SEM1: variants seen among roughly 807,000 people sequenced by gnomAD.
The protein encoded by SEM1 is 26S proteasome complex subunit SEM1.
A neutral mutation model predicts 12.7 loss-of-function variants in SEM1; 3 were observed. That is an observed-to-expected ratio of 0.24 (90% confidence interval 0.11 to 0.61). The LOEUF (loss-of-function observed/expected upper bound fraction) is 0.61, where lower values mean the gene tolerates loss of function less well. Among genes scored for constraint, SEM1 ranks in the 20% least tolerant of loss-of-function variants. The pLI, the probability that SEM1 is intolerant of heterozygous loss-of-function variation, is 0.88. For missense variants in SEM1, 59 were observed against 81.3 expected (o/e 0.73, Z 1.06); for synonymous variants, 30 against 27.8 (o/e 1.08, Z -0.25).
intron 2 of SEM1, among the ~76,000 whole-genome samples, chr7:96,611,483 T>A (rs913323634): frequency 6.6e-6 from 1 of 152,078 alleles, no homozygotes; most frequent in Admixed American, 6.5e-5. Flanking sequence ...GTTACATGAG[T>A]GATGAAGACC....
chr7:96,543,813 G>T (rs1805025382), intron 2 of SEM1, among the ~76,000 whole-genome samples: 2 of 151,970 alleles, frequency 1.3e-5, no homozygotes, highest in Admixed American at 1.3e-4. Flanking sequence ...CCACATGCTT[G>T]GTGGTAGCAG....
At chr7:96,606,423 A>G (rs1021050526) in intron 2 of SEM1, among the ~76,000 whole-genome samples, 1 of 152,200 alleles carries the variant, frequency 6.6e-6, no homozygotes, top group Admixed American at 6.5e-5. Flanking sequence ...TACCACAGCA[A>G]GAGTTGCAGA....
At chr7:96,635,309 A>G (rs1808398883) in intron 2 of SEM1, among the ~76,000 whole-genome samples, 1 of 152,090 alleles carries the variant, frequency 6.6e-6, no homozygotes, top group African/African-American at 2.4e-5. Flanking sequence ...AGATTTGAGG[A>G]AGTAACAAGC....
rs143890800 is a variant in SEM1 at position 96,616,361 on chromosome 7, T to C, written c.170+78437A>G. On this transcript the variant is annotated intron_variant and NMD_transcript_variant, in intron 2 of 3. Coordinates refer to the SEM1 transcript ENST00000466986. ...TCCTCTTTTGAAAAATGTCTGTTTA[T>C]TTCCTCTGCCCACTTTACAATGGTT... is the stretch of plus-strand genomic sequence containing the variant. 2.0e-5 allele frequency among the ~76,000 whole-genome samples: 3 copies of C among 152,340 alleles called. No individual in the cohort carries two copies. In the East Asian group the frequency reaches 5.8e-4, roughly 29 times the overall value.
chr7:96,548,488 C>A (rs928675550), intron 2 of SEM1, among the ~76,000 whole-genome samples: 3 of 152,116 alleles, frequency 2.0e-5, no homozygotes, highest in Non-Finnish European at 4.4e-5. Context: ...ACAAAATCCC[C>A]AGGAAATCTA....
intron 2 of SEM1, among the ~76,000 whole-genome samples, chr7:96,570,028 T>C (rs1288628836): frequency 2.6e-5 from 4 of 152,106 alleles, no homozygotes; most frequent in Non-Finnish European, 4.4e-5. Flanking sequence ...TACTTCCTTT[T>C]GGGTATATAC....
intron 2 of SEM1, among the ~76,000 whole-genome samples, chr7:96,564,844 A>G (rs1286677184): frequency 6.6e-6 from 1 of 152,050 alleles, no homozygotes; most frequent in Non-Finnish European, 1.5e-5. Flanking sequence ...GAAAACTTAT[A>G]TGGTAAGTCT....
chr7:96,509,116 A>G (rs1244988592), intron 2 of SEM1, among the ~76,000 whole-genome samples: 1 of 149,162 alleles, frequency 6.7e-6, no homozygotes, highest in Non-Finnish European at 1.5e-5. Flanking sequence ...CCTCCCAAGT[A>G]GCTGGGATTA....
upstream of SEM1, among the ~76,000 whole-genome samples, chr7:96,497,332 A>C (rs1803330521): frequency 6.6e-6 from 1 of 152,156 alleles, no homozygotes; most frequent in African/African-American, 2.4e-5. Context: ...CTTAAGCAGG[A>C]TTTTAAATTA....
At chr7:96,673,726 G>T (rs1296107736) in exon 3 of SEM1, 4 of 764,372 alleles carry the variant, frequency 5.2e-6, no homozygotes, top group Admixed American at 1.7e-5. Context: ...TTACATTTAG[G>T]TGGGGCCATG....
At chr7:96,595,260 C>G (rs543866654) in intron 2 of SEM1, among the ~76,000 whole-genome samples, 1 of 152,064 alleles carries the variant, frequency 6.6e-6, no homozygotes, top group Non-Finnish European at 1.5e-5. Context: ...CACCTGTAAT[C>G]CCAGCACTTT....
chr7:96,604,904 G>C (rs1057052954), intron 2 of SEM1, among the ~76,000 whole-genome samples: 2 of 151,926 alleles, frequency 1.3e-5, no homozygotes, highest in Non-Finnish European at 2.9e-5. Context: ...GGGCGAGACA[G>C]AGCAAGACTC....
At chr7:96,685,848 C>G (rs183467085), downstream of SEM1, among the ~76,000 whole-genome samples, 1 of 151,742 alleles carries the variant, frequency 6.6e-6, no homozygotes, top group Non-Finnish European at 1.5e-5. Context: ...ATCTTCAGCT[C>G]AGCCCTGCAG....
intron 2 of SEM1, among the ~76,000 whole-genome samples, chr7:96,679,417 T>C (rs1789539739): frequency 6.6e-6 from 1 of 152,082 alleles, no homozygotes; most frequent in African/African-American, 2.4e-5. Context: ...TTAAAACATC[T>C]TTGTTAAATC....
chr7:96,566,066 G>C (rs564337614), intron 2 of SEM1, among the ~76,000 whole-genome samples: 11 of 151,794 alleles, frequency 7.2e-5, no homozygotes, highest in African/African-American at 2.7e-4. Context: ...TTTGTTGTGT[G>C]ACATTAATTA....
intron 2 of SEM1, among the ~76,000 whole-genome samples, chr7:96,607,308 G>C (rs1287747411): frequency 6.6e-6 from 1 of 152,168 alleles, no homozygotes; most frequent in Non-Finnish European, 1.5e-5. Context: ...CATGATTTGA[G>C]TTAGTTCTTC....
intron 2 of SEM1, among the ~76,000 whole-genome samples, chr7:96,665,434 TTGA>T (rs1789144709): frequency 6.6e-6 from 1 of 152,178 alleles, no homozygotes; most frequent in African/African-American, 2.4e-5. Flanking sequence ...AACAGCTAAG[TTGA>T]TAACTTAAAA....
intron 2 of SEM1, among the ~76,000 whole-genome samples, chr7:96,541,437 TTTTTTG>T (rs1181781462): frequency 1.5e-5 from 2 of 134,900 alleles, no homozygotes; most frequent in South Asian, 4.7e-4. Context: ...ATGGGTTTTT[TTTTTTG>T]TTTTTTTTTT....
At chr7:96,653,545 G>C (rs968854266) in intron 2 of SEM1, among the ~76,000 whole-genome samples, 1 of 152,206 alleles carries the variant, frequency 6.6e-6, no homozygotes, top group Non-Finnish European at 1.5e-5. Context: ...AATGGGAAGA[G>C]GAATGGCATC....
Sources: allele counts gnomAD v4.1 joint callset (sites outside exome capture counted in the v4.1 genomes callset), GRCh38; gene constraint gnomAD v4.1.1; transcripts MANE v1.5; gene names NCBI Gene and HGNC (gene_info 2026-07-23, HGNC 2026-07-21).